Variants in COL9A1 observed in about 807,000 individuals in gnomAD.
COL9A1 encodes collagen type IX alpha 1 chain.
In COL9A1, 104 loss-of-function variants were observed where a neutral mutation model predicts 142.6. The observed-to-expected ratio is 0.73, with a 90% confidence interval of 0.62 to 0.86. The LOEUF (loss-of-function observed/expected upper bound fraction) is 0.86, where lower values mean the gene tolerates loss of function less well. Ranked by LOEUF, COL9A1 falls within the 40% of genes least tolerant of loss-of-function variation. COL9A1 has a pLI of 0.00. For synonymous variants in COL9A1, 466 were observed against 396.0 expected, an observed-to-expected ratio of 1.18 and a Z score of -2.10; for missense variants, 1,210 against 1,176.6, an observed-to-expected ratio of 1.03 and a Z score of -0.42.
At chr6:70,220,573 AAACAGCCTTAAC>A (rs1330926802) in intron 37 of COL9A1, among the ~76,000 whole-genome samples, 1 of 149,198 alleles carries the variant, frequency 6.7e-6, no homozygotes, top group Non-Finnish European at 1.5e-5. Flanking sequence ...AGAGAAAAAA[AAACAGCCTTAAC>A]ATAGCAGATT....
chr6:70,227,953 A>T (rs368623553), intron 36 of COL9A1, among the ~76,000 whole-genome samples: 311 of 152,188 alleles, frequency 2.0e-3, no homozygotes, highest in African/African-American at 7.2e-3. Context: ...CTTATATAGA[A>T]TTGCTTGTAA....
Position 70,260,593 on chromosome 6 carries a change from A to C in COL9A1, c.1449+64T>G, listed in dbSNP as rs1771610518. Reference sequence around the variant, plus strand: ...TTGTTGAAGATAAAAAGTTATGTTTAAACGGCCAAAATTTTAAATATTTAA... The same window carrying C: ...TTGTTGAAGATAAAAAGTTATGTTTCAACGGCCAAAATTTTAAATATTTAA... On this transcript the variant is annotated intron_variant, in intron 20 of 37. Coordinates refer to ENST00000357250, the MANE Select transcript of COL9A1 (RefSeq NM_001851.6). 101 of 1,461,740 alleles carry C rather than the reference A, an allele frequency of 6.9e-5. 2 individuals are homozygous for C. In the South Asian group the frequency reaches 1.2e-3, roughly 17 times the overall value. The allele number at this position is 1,461,740 out of a possible 1,614,324, so 90.5% of individuals were successfully genotyped here. A position where few individuals can be genotyped will look rare whatever the true frequency, so the allele number is the denominator to read the frequency against.
rs1478081797 is a variant in COL9A1, at chr6:70,283,766, T to C, written c.751A>G (p.Thr251Ala). The C allele has an allele frequency of 9.9e-6, 16 of 1,611,962 alleles. No homozygotes were observed. The highest frequency in any genetic ancestry group is 1.4e-5 in the Non-Finnish European group (16 of 1,179,286). The change falls in exon 6 of 38, where the codon ACT (threonine) becomes GCT (alanine). Residue 251 changes from threonine (T) to alanine (A), a missense_variant. Thr to Ala is a moderately conservative substitution (Grantham distance 58). Coordinates refer to ENST00000357250, the MANE Select transcript of COL9A1 (RefSeq NM_001851.6). ...HCDPLRPRRE[T>A]CHELPARITP... ...ATTCTGGCTGGCAGCTCATGGCAAG[T>C]TTCTCTCCTGGGCCGCAGGGGGTCA...
At chr6:70,229,578 C>T (rs1052883214) in intron 36 of COL9A1, among the ~76,000 whole-genome samples, 2 of 152,062 alleles carry the variant, frequency 1.3e-5, no homozygotes, top group African/African-American at 4.8e-5. Flanking sequence ...TTTCTCAAAC[C>T]TTCATTTACA....
At chr6:70,230,028 A>T (rs1455949938) in intron 36 of COL9A1, among the ~76,000 whole-genome samples, 1 of 152,202 alleles carries the variant, frequency 6.6e-6, no homozygotes. Flanking sequence ...CAAAGTGACC[A>T]TATGGTAGAG....
At chr6:70,299,152 T>C (rs1773958701) in intron 4 of COL9A1, among the ~76,000 whole-genome samples, 1 of 152,160 alleles carries the variant, frequency 6.6e-6, no homozygotes, top group Non-Finnish European at 1.5e-5. Flanking sequence ...AGGTTCAAAA[T>C]ATGAATTTCT....
chr6:70,294,595 T>A, intron 4 of COL9A1, 32 bp from the exon 5 acceptor site: 1 of 1,601,006 alleles, frequency 6.2e-7, no homozygotes, highest in African/African-American at 1.3e-5. Flanking sequence ...TAAACATGCA[T>A]CTTGTTTCCT....
At chr6:70,260,763 A>T in intron 19 of COL9A1, 53 bp from the exon 20 acceptor site, 1 of 1,577,080 alleles carries the variant, frequency 6.3e-7, no homozygotes, top group Admixed American at 1.7e-5. Flanking sequence ...AAAGATTTTT[A>T]AAAATCTCAT....
chr6:70,255,263 T>A (rs917744767), intron 22 of COL9A1, 60 bp from the exon 23 acceptor site: 5 of 1,609,892 alleles, frequency 3.1e-6, no homozygotes, highest in Non-Finnish European at 4.3e-6. Context: ...TACTTAGACT[T>A]GTCAAAGAGA....
intron 28 of COL9A1, among the ~76,000 whole-genome samples, chr6:70,244,771 G>C (rs1228957634): frequency 6.6e-6 from 1 of 152,104 alleles, no homozygotes; most frequent in African/African-American, 2.4e-5. Flanking sequence ...TATCTTCCCA[G>C]TGAATAACAA....
rs548638130 is a variant in COL9A1 at position 70,234,406 on chromosome 6, A to C, written c.2314+133T>G. The stretch of plus-strand genomic sequence containing the variant: ...AGTTGGAAAAACAGAATTGGCATTA[A>C]TATTACCCTAAATGTCCTATCTTTA... On this transcript the variant is annotated intron_variant, in intron 35 of 37. Coordinates refer to ENST00000357250, the MANE Select transcript of COL9A1 (RefSeq NM_001851.6). The C allele has an allele frequency of 3.2e-4, 285 of 877,358 alleles. No individual in the cohort carries two copies. The South Asian group carries it at 3.9e-3, about 12-fold the overall frequency. 54.3% of individuals were successfully genotyped at this position (877,358 alleles called of 1,614,324 possible).
rs546628819 is a variant in COL9A1, at chr6:70,281,999, T to G, written c.802-535A>C. 2.0e-5 allele frequency among the ~76,000 whole-genome samples: 3 copies of G among 152,172 alleles called. No individual in the cohort carries two copies. In the East Asian group the frequency reaches 5.8e-4, roughly 30 times the overall value. ...GCCTTGAGACCAGTGCCTGGCCTCA[T>G]TTCAGTTTTACCTGCAGTGACACTC... On this transcript the variant is annotated intron_variant, in intron 7 of 37. Transcript: ENST00000357250.
intron 6 of COL9A1, 125 bp from the exon 7 acceptor site, chr6:70,283,043 TC>T: frequency 6.3e-7 from 1 of 1,598,092 alleles, no homozygotes; most frequent in South Asian, 1.1e-5. Context: ...TCCCGCGCAG[TC>T]CAGGCCATGC....
chr6:70,279,670 A>AAAAAAAAAAAAAAAAAAAAAC (rs1554245283), intron 10 of COL9A1: 1 of 172,210 alleles, frequency 5.8e-6, no homozygotes, highest in African/African-American at 2.6e-5. Flanking sequence ...AAAAAAAAAA[A>AAAAAAAAAAAAAAAAAAAAAC]CACATACACA....
chr6:70,300,367 A>G lies in COL9A1; in HGVS notation c.108T>C (p.Asn36=). 1 of 1,613,200 alleles carries G rather than the reference A, an allele frequency of 6.2e-7. No individual in the cohort carries two copies. Among genetic ancestry groups the G allele is most frequent in the Non-Finnish European group, 8.5e-7 (1 of 1,179,384 alleles). The change falls in exon 3 of 38, where the codon AAT becomes AAC. Residue 36 remains asparagine (N), a synonymous_variant. Coordinates refer to ENST00000357250, the MANE Select transcript of COL9A1 (RefSeq NM_001851.6). ...GACAGAGTTCATTTCCACCATTAGA[A>G]TTGGAATTGACAGGGAATCCTGCAA... is the stretch of plus-strand genomic sequence containing the variant. The part of the protein sequence containing the change: ...KRRPRFPVNS[N]SNGGNELCPK...
chr6:70,215,134 A>G (rs1768424723), downstream of COL9A1: 1 of 152,114 alleles, frequency 6.6e-6, no homozygotes, highest in African/African-American at 2.4e-5. Flanking sequence ...GGATTGTTTT[A>G]GGGAGCTATA....
At chr6:70,239,322 T>A in intron 32 of COL9A1, 36 bp from the exon 33 acceptor site, 8 of 1,335,356 alleles carry the variant, frequency 6.0e-6, no homozygotes, top group Non-Finnish European at 8.6e-6. Context: ...TAGAACAATG[T>A]ATTCACATTT....
At chr6:70,250,410 A>G (rs1172723372) in intron 28 of COL9A1, among the ~76,000 whole-genome samples, 1 of 152,222 alleles carries the variant, frequency 6.6e-6, no homozygotes, top group Non-Finnish European at 1.5e-5. Flanking sequence ...TTGCTTCGAC[A>G]GTTAACTTGT....
chr6:70,223,207 C>T (rs1250936377), intron 37 of COL9A1, among the ~76,000 whole-genome samples: 2 of 152,262 alleles, frequency 1.3e-5, no homozygotes, highest in South Asian at 2.1e-4. Context: ...ACTTTGCCCT[C>T]AGCTTTCCTT....
Sources: allele counts gnomAD v4.1 joint callset (sites outside exome capture counted in the v4.1 genomes callset), GRCh38; gene constraint gnomAD v4.1.1; transcripts MANE v1.5; gene names NCBI Gene and HGNC (gene_info 2026-07-23, HGNC 2026-07-21).